ACSM2A: variants seen among roughly 807,000 people sequenced by gnomAD.
The protein encoded by ACSM2A is acyl-CoA synthetase medium chain family member 2A.
In ACSM2A, 72 loss-of-function variants were observed where a neutral mutation model predicts 76.6. The ratio of observed to expected loss-of-function variants is 0.94; its 90% CI spans 0.78 to 1.14. ACSM2A has a LOEUF of 1.14. Ranked by LOEUF, ACSM2A falls within the 50% of genes most tolerant of loss-of-function variation. ACSM2A has a pLI of 0.00. For missense variants in ACSM2A, 684 were observed against 708.5 expected (o/e 0.97, Z 0.39); for synonymous variants, 249 against 255.9 (o/e 0.97, Z 0.26).
At chr16:20,463,108 C>T (rs1687679892) in intron 2 of ACSM2A, among the ~76,000 whole-genome samples, 1 of 149,730 alleles carries the variant, frequency 6.7e-6, no homozygotes, top group Non-Finnish European at 1.5e-5. Flanking sequence ...GGAGGGATAA[C>T]ATTAGGCGAT....
At chr16:20,475,805 T>A (rs1363260094) in intron 8 of ACSM2A, 32 bp downstream of exon 8, 79 of 1,607,242 alleles carry the variant, frequency 4.9e-5, no homozygotes, top group Non-Finnish European at 6.6e-5. Context: ...ATGGGCTGTG[T>A]GCACTTTTTG....
chr16:20,459,852 T>C (rs531792594), intron 1 of ACSM2A, among the ~76,000 whole-genome samples: 1 of 152,292 alleles, frequency 6.6e-6, no homozygotes, highest in African/African-American at 2.4e-5. Context: ...TACATGGAAA[T>C]GGGCGTTCAC....
chr16:20,483,506 G>T (rs553851351), intron 13 of ACSM2A, among the ~76,000 whole-genome samples: 3 of 128,260 alleles, frequency 2.3e-5, no homozygotes, highest in Non-Finnish European at 4.8e-5. Flanking sequence ...GGAGGTGGAG[G>T]TTACAGTGAG....
intron 1 of ACSM2A, among the ~76,000 whole-genome samples, chr16:20,456,911 C>CA (rs61253658): frequency 0.13 from 18,359 of 137,718 alleles, 2,179 homozygotes; most frequent in African/African-American, 0.33. Flanking sequence ...GAAGATTAAC[C>CA]AAAAAAAAAA....
At chr16:20,464,886 T>A (rs1239561778) in intron 2 of ACSM2A, among the ~76,000 whole-genome samples, 1 of 152,126 alleles carries the variant, frequency 6.6e-6, no homozygotes, top group East Asian at 1.9e-4. Context: ...ACAATGAGAA[T>A]GTACTTAATG....
chr16:20,480,077 G>A (rs549614700), intron 10 of ACSM2A, among the ~76,000 whole-genome samples: 4 of 152,306 alleles, frequency 2.6e-5, no homozygotes, highest in South Asian at 2.1e-4. Context: ...TTGCTTATAA[G>A]CAAGTGCCTC....
chr16:20,464,481 A>T (rs1322711270), intron 2 of ACSM2A, among the ~76,000 whole-genome samples: 1 of 152,194 alleles, frequency 6.6e-6, no homozygotes, highest in Non-Finnish European at 1.5e-5. Flanking sequence ...GTGGAAGATG[A>T]AGAAAGAGCA....
At chr16:20,458,911 TATATATATATATATATATATAC>T (rs1567356875) in intron 1 of ACSM2A, among the ~76,000 whole-genome samples, 1 of 59,046 alleles carries the variant, frequency 1.7e-5, no homozygotes, top group Non-Finnish European at 3.0e-5. Context: ...TATGCATATA[TATATATATATATATATATATAC>T]ATATATATAT....
intron 12 of ACSM2A, chr16:20,482,618 G>A (rs2014148439): frequency 6.1e-6 from 1 of 163,974 alleles, no homozygotes; most frequent in African/African-American, 2.4e-5. Context: ...AATCCTGTGT[G>A]CCCAGCTCTG....
intron 13 of ACSM2A, among the ~76,000 whole-genome samples, chr16:20,483,569 C>CA (rs60606533): frequency 0.013 from 424 of 32,218 alleles, 163 homozygotes; most frequent in East Asian, 0.044. Flanking sequence ...GACTCTGTCT[C>CA]AAAAAAAAAA....
chr16:20,474,325 G>C (rs1393507640), intron 6 of ACSM2A: 1 of 199,130 alleles, frequency 5.0e-6, no homozygotes, highest in Non-Finnish European at 1.0e-5. Context: ...AGGGATTAAT[G>C]GATTAATGGG....
At chr16:20,458,914 A>ATG (rs1289525805) in intron 1 of ACSM2A, among the ~76,000 whole-genome samples, 2 of 59,256 alleles carry the variant, frequency 3.4e-5, no homozygotes, top group African/African-American at 1.1e-4. Context: ...GCATATATAT[A>ATG]TATATATATA....
At chr16:20,478,451 G>A (rs2013882442) in intron 9 of ACSM2A, 125 bp from the exon 10 acceptor site, 4 of 1,106,426 alleles carry the variant, frequency 3.6e-6, no homozygotes, top group South Asian at 1.9e-5. Context: ...CTGGCTTCTG[G>A]TTGTTGTTTT....
chr16:20,468,701 A>C (rs1348254167), intron 3 of ACSM2A, among the ~76,000 whole-genome samples: 1 of 152,214 alleles, frequency 6.6e-6, no homozygotes, highest in Non-Finnish European at 1.5e-5. Flanking sequence ...TAATCAAAGG[A>C]GTCTCATTAA....
chr16:20,460,040 G>A, intron 1 of ACSM2A, 67 bp from the exon 2 acceptor site: 1 of 1,476,850 alleles, frequency 6.8e-7, no homozygotes, highest in African/African-American at 1.4e-5. Flanking sequence ...ATCTCCTGAA[G>A]CTGCTGATGA....
At chr16:20,477,607 G>A (rs2013826335) in intron 9 of ACSM2A, among the ~76,000 whole-genome samples, 158 bp downstream of exon 9, 1 of 152,168 alleles carries the variant, frequency 6.6e-6, no homozygotes. Flanking sequence ...GAAGGAAAGA[G>A]TGAGGGAAGG....
intron 8 of ACSM2A, chr16:20,476,318 A>G (rs2013736683): frequency 1.0e-6 from 1 of 979,486 alleles, no homozygotes; most frequent in African/African-American, 1.8e-5. Context: ...TACTTATCAA[A>G]ACTACATGGG....
rs1204636103 is a variant in ACSM2A, at chr16:20,472,989, A to C, written c.894+1300A>C. Among the ~76,000 whole-genome samples, 9 of 152,338 alleles carry C rather than the reference A, an allele frequency of 5.9e-5. No homozygotes were observed. In the South Asian group the frequency reaches 8.3e-4, roughly 14 times the overall value. On this transcript the variant is annotated intron_variant, in intron 6 of 13. Transcript: ENST00000573854. Reference sequence around the variant, plus strand: ...AACTTGATGGTACAGCCATTAAGTAAGACCCACAGACTGCAGCTATGCATT... The same window carrying C: ...AACTTGATGGTACAGCCATTAAGTACGACCCACAGACTGCAGCTATGCATT...
chr16:20,477,031 A>T (rs1346966664), intron 8 of ACSM2A: 1 of 228,248 alleles, frequency 4.4e-6, no homozygotes, highest in African/African-American at 2.3e-5. Context: ...GGCCTTACAG[A>T]TTGCATATTG....
Sources: gnomAD v4.1 joint callset for allele counts (sites outside exome capture counted in the v4.1 genomes callset) on GRCh38, gnomAD v4.1.1 for gene constraint, MANE v1.5 for transcripts, NCBI Gene and HGNC (gene_info 2026-07-23, HGNC 2026-07-21) for gene names.